The following SCN3A variants were observed in gnomAD, a reference collection of about 807,000 sequenced individuals.
The protein encoded by SCN3A is sodium channel protein type 3 subunit alpha.
In SCN3A, 60 loss-of-function variants were observed where a neutral mutation model predicts 187.6. That is an observed-to-expected ratio of 0.32 (90% CI 0.26 to 0.40). The LOEUF (loss-of-function observed/expected upper bound fraction) is 0.40, where lower values mean the gene tolerates loss of function less well. SCN3A is among the 10% of genes least tolerant of loss of function. The pLI, the probability that SCN3A is intolerant of heterozygous loss-of-function variation, is 1.00. For missense variants in SCN3A, 1,601 were observed against 2,428.2 expected (o/e 0.66, Z 7.16); for synonymous variants, 788 against 829.2 (o/e 0.95, Z 0.85).
chr2:165,130,455 A>C (rs1386497632), intron 16 of SCN3A, 159 bp from the exon 17 acceptor site: 3 of 711,636 alleles, frequency 4.2e-6, no homozygotes, highest in Non-Finnish European at 7.0e-6. Context: ...TAGTGTTAAC[A>C]ATATTAGAAT....
intron 10 of SCN3A, among the ~76,000 whole-genome samples, chr2:165,155,025 A>G (rs1688932714): frequency 1.3e-5 from 2 of 152,164 alleles, no homozygotes; most frequent in African/African-American, 2.4e-5. Flanking sequence ...TCTCCATACC[A>G]TCTATAGATG....
At chr2:165,164,258 T>C in intron 6 of SCN3A, 134 bp downstream of exon 6, 4 of 1,132,822 alleles carry the variant, frequency 3.5e-6, no homozygotes, top group Non-Finnish European at 5.2e-6. Flanking sequence ...TAATATGTAT[T>C]CTTAAAATAC....
At chr2:165,103,260 G>C (rs151223172) in intron 21 of SCN3A, among the ~76,000 whole-genome samples, 1 of 152,244 alleles carries the variant, frequency 6.6e-6, no homozygotes, top group East Asian at 1.9e-4. Context: ...ACAATTCACA[G>C]TGACCTCTTT....
chr2:165,092,635 C>T lies in SCN3A; in HGVS notation c.4537-111G>A, dbSNP rs1685163034. 1 of 948,692 alleles carries T rather than the reference C, an allele frequency of 1.1e-6. No homozygotes were observed. Among genetic ancestry groups the T allele is most frequent in the East Asian group, 2.6e-5 (1 of 38,340 alleles). The allele number at this position is 948,692 out of a possible 1,614,324, so 58.8% of individuals were successfully genotyped here. ...ATACGGGATGGATGTGCACCCTCCT[C>T]ATATTACCCCAAACAATTTTGTGTG... On this transcript the variant is annotated intron_variant, in intron 26 of 27. Coordinates refer to ENST00000283254, the MANE Select transcript of SCN3A (RefSeq NM_006922.4). The surrounding 1 kb of genome is among the most constrained non-coding windows in gnomAD (Gnocchi z 4.2).
Position 165,167,719 on chromosome 2 carries a change from GCA to G in SCN3A, c.473+1015_473+1016del, listed in dbSNP as rs150018068. On this transcript the variant is annotated intron_variant, in intron 5 of 27. Coordinates refer to ENST00000283254, the MANE Select transcript of SCN3A (RefSeq NM_006922.4). ...CGATAAAGAAATTGTGTTAGTTCAT[GCA>G]CAGTTTTCCCCAGCATATTGATGTT... 9.6e-3 allele frequency among the ~76,000 whole-genome samples: 1,455 copies of G among 152,160 alleles called. 17 individuals carry two copies. The highest frequency in any genetic ancestry group is 0.033 in the African/African-American group (1,366 of 41,530).
At position 165,097,505 on chromosome 2, in the gene SCN3A, A is replaced by C. The variant is rs1685414246; in HGVS notation, c.3986T>G (p.Val1329Gly). 1 of 1,613,898 alleles carries C rather than the reference A, an allele frequency of 6.2e-7. No homozygotes were observed. The highest frequency in any genetic ancestry group is 1.3e-5 in the African/African-American group (1 of 74,950). ...EGMRVVVNAL[V>G]GAIPSIMNVL... is the part of the protein sequence containing the mutation. The stretch of plus-strand genomic sequence containing the variant: ...ATTCATGATAGAGGGAATTGCTCCA[A>C]CAAGAGCATTCACAACCACCTAGAA... The change falls in exon 23 of 28, where the codon GTT becomes GGT. Residue 1329 changes from valine (V) to glycine (G), a missense_variant. Val to Gly is a moderately radical substitution (Grantham distance 109). Around this residue, in one of 11 missense-constraint regions of SCN3A, gnomAD observed 320 missense variants for 623.2 expected, o/e 0.51. Transcript: ENST00000283254.
At chr2:165,190,012 A>G (rs1269885698) in intron 1 of SCN3A, among the ~76,000 whole-genome samples, 2 of 152,180 alleles carry the variant, frequency 1.3e-5, no homozygotes, top group Non-Finnish European at 2.9e-5. Flanking sequence ...GTCATGGAGG[A>G]ACTCACAAGC....
rs757146628 is a variant in SCN3A, at chr2:165,155,908, AAG to A, written c.1032-7_1032-6del. On this transcript the variant is annotated splice_region_variant and splice_polypyrimidine_tract_variant and intron_variant, in intron 9 of 27. Transcript: ENST00000283254. ...ATGTATCCTTCTGGACACTGGCTAT[AAG>A]AGAGAGAAATGGAGGTAGGGTCAGT... 1 of 1,614,054 alleles carries A rather than the reference AAG, an allele frequency of 6.2e-7. No homozygotes were observed. The highest frequency in any genetic ancestry group is 8.5e-7 in the Non-Finnish European group (1 of 1,179,974).
intron 2 of SCN3A, among the ~76,000 whole-genome samples, 198 bp from the exon 3 acceptor site, chr2:165,176,642 A>G (rs1406234333): frequency 6.6e-6 from 1 of 152,158 alleles, no homozygotes; most frequent in South Asian, 2.1e-4. Flanking sequence ...TAAATCTATC[A>G]AAAGTCTGTA....
At chr2:165,107,636 G>A (rs1003661012) in intron 21 of SCN3A, among the ~76,000 whole-genome samples, 3 of 152,120 alleles carry the variant, frequency 2.0e-5, no homozygotes, top group African/African-American at 4.8e-5. Context: ...AATCACCTTC[G>A]GTGTCATGTG....
intron 1 of SCN3A, among the ~76,000 whole-genome samples, chr2:165,199,306 T>C (rs1692175295): frequency 6.6e-6 from 1 of 151,992 alleles, no homozygotes; most frequent in Non-Finnish European, 1.5e-5. Context: ...GGGCTCCCTA[T>C]ATGCAGTCTC....
chr2:165,192,370 C>T (rs1029704866), intron 1 of SCN3A, among the ~76,000 whole-genome samples: 6 of 152,074 alleles, frequency 3.9e-5, no homozygotes, highest in Non-Finnish European at 7.4e-5. Flanking sequence ...AGTGATTAAG[C>T]ACTGGTCACT....
chr2:165,122,214 T>C (rs1179917619), intron 18 of SCN3A, among the ~76,000 whole-genome samples: 3 of 148,200 alleles, frequency 2.0e-5, no homozygotes, highest in East Asian at 2.0e-4. Context: ...CTTTTTTTTT[T>C]CTTTTTTCTT....
chr2:165,122,642 G>T (rs1686764410), intron 18 of SCN3A, among the ~76,000 whole-genome samples: 1 of 152,198 alleles, frequency 6.6e-6, no homozygotes, highest in African/African-American at 2.4e-5. Context: ...ATGATGTTGG[G>T]ATTGCCCATC....
At position 165,113,887 on chromosome 2, in the gene SCN3A, A is replaced by G. The variant is rs1000349763; in HGVS notation, c.3598T>C (p.Tyr1200His). 1 of 1,613,898 alleles carries G rather than the reference A, an allele frequency of 6.2e-7. No individual in the cohort carries two copies. The highest frequency in any genetic ancestry group is 2.2e-5 in the East Asian group (1 of 44,866). The change falls in exon 20 of 28, where the codon TAC becomes CAC. Residue 1200 changes from tyrosine to histidine, a missense_variant. By Grantham distance (83) the Tyr-to-His change is moderately conservative. Coordinates refer to ENST00000283254, the MANE Select transcript of SCN3A (RefSeq NM_006922.4). Reference protein sequence around the residue: ...KIWWNLRKTCYSIVEHNWFET... With the variant: ...KIWWNLRKTCHSIVEHNWFET... Reference sequence around the variant, plus strand: ...AACCAGTTGTGCTCAACAATACTGTAGCAGGTTTTTCGAAGATTCCACCAG... The same window carrying G: ...AACCAGTTGTGCTCAACAATACTGTGGCAGGTTTTTCGAAGATTCCACCAG...
Position 165,090,745 on chromosome 2 carries a change from T to A in SCN3A, c.5408A>T (p.Asp1803Val). The stretch of plus-strand genomic sequence containing the variant: ...AGAGAACTCTATAAACTGGGTCGCA[T>A]CGGGATCAAACTTTTCCCAAACCTC... ...FYEVWEKFDP[D>V]ATQFIEFSKL... Residue 1803 changes from aspartate to valine, a missense_variant, in exon 28 of 28, where the codon GAT (aspartate) becomes GTT (valine). Physicochemically the swap from Asp to Val is radical, Grantham distance 152. This residue lies in a region of SCN3A where 110 missense variants were observed against 175.9 expected (regional missense o/e 0.63). Transcript: ENST00000283254. The surrounding 1 kb of genome is among the most constrained non-coding windows in gnomAD (Gnocchi z 4.0). The A allele has an allele frequency of 1.2e-6, 2 of 1,614,090 alleles. No homozygotes were observed. The highest frequency in any genetic ancestry group is 1.7e-6 in the Non-Finnish European group (2 of 1,180,004).
chr2:165,115,157 T>C (rs2105715444), intron 19 of SCN3A, among the ~76,000 whole-genome samples: 1 of 152,230 alleles, frequency 6.6e-6, no homozygotes. Flanking sequence ...GCAAAAGCTC[T>C]AAGATACAGC....
intron 22 of SCN3A, 113 bp downstream of exon 22, chr2:165,100,189 T>C: frequency 1.5e-6 from 2 of 1,303,012 alleles, no homozygotes; most frequent in Non-Finnish European, 1.1e-6. Flanking sequence ...ATTTTTGCTC[T>C]AATTCTGTAA....
At chr2:165,158,718 ATTTG>A (rs1312439266) in intron 9 of SCN3A, among the ~76,000 whole-genome samples, 2 of 137,828 alleles carry the variant, frequency 1.5e-5, no homozygotes, top group Non-Finnish European at 3.0e-5. Context: ...ATTCATTAAT[ATTTG>A]TTTGTATCTT....
Sources: gnomAD v4.1 joint callset for allele counts (sites outside exome capture counted in the v4.1 genomes callset) on GRCh38, gnomAD v4.1.1 for gene constraint, gnomAD v4.1.1 regional missense constraint, Gnocchi (gnomAD v3.1) non-coding constraint, MANE v1.5 for transcripts, NCBI Gene and HGNC (gene_info 2026-07-23, HGNC 2026-07-21) for gene names.